The following GOPC variants were observed in gnomAD, a reference collection of about 807,000 sequenced individuals.
GOPC encodes Golgi-associated PDZ and coiled-coil motif-containing protein.
In GOPC, 32 loss-of-function variants were observed where a neutral mutation model predicts 51.2. That is an observed-to-expected ratio of 0.63 (90% confidence interval 0.47 to 0.84). The LOEUF (loss-of-function observed/expected upper bound fraction) is 0.84, where lower values mean the gene tolerates loss of function less well. Among genes scored for constraint, GOPC ranks in the 40% least tolerant of loss-of-function variants. The probability of loss-of-function intolerance (pLI) is 0.00; values close to 1 mark genes in which losing one functional copy is unlikely to be tolerated. For missense variants in GOPC, 441 were observed against 555.5 expected (o/e 0.79, Z 2.07); for synonymous variants, 190 against 205.1 (o/e 0.93, Z 0.63).
At chr6:117,595,788 A>C (rs371807350) in intron 1 of GOPC, among the ~76,000 whole-genome samples, 3 of 152,164 alleles carry the variant, frequency 2.0e-5, no homozygotes, top group African/African-American at 7.2e-5. Flanking sequence ...ACATTTTTTT[A>C]ATCCACTTAT....
At chr6:117,595,062 G>A (rs1780175655) in intron 1 of GOPC, among the ~76,000 whole-genome samples, 1 of 152,136 alleles carries the variant, frequency 6.6e-6, no homozygotes, top group Admixed American at 6.5e-5. Context: ...GATGCCTGGG[G>A]AGTGCTCTGG....
Position 117,602,007 on chromosome 6 carries a change from C to T in GOPC, c.282G>A (p.Leu94=), listed in dbSNP as rs1772022751. ...GCCGCCAGCACCCACGGCTCACCTC[C>T]AGCTTGTGGTTGATTTGAGACACAG... The part of the protein sequence containing the change: ...AQSVSQINHK[L]EAQLVDLKSE... Residue 94 remains leucine, a synonymous_variant, in exon 1 of 9, where the codon CTG becomes CTA. Transcript: ENST00000368498. 6.2e-7 allele frequency: 1 copy of T among 1,614,002 alleles called. No individual in the cohort carries two copies. Among genetic ancestry groups the T allele is most frequent in the Middle Eastern group, 1.7e-4 (1 of 6,060 alleles).
chr6:117,563,135 C>T lies in GOPC; in HGVS notation c.*119G>A, dbSNP rs1054428009. On this transcript the variant is annotated 3_prime_UTR_variant, in exon 9 of 9. Coordinates refer to ENST00000368498, the MANE Select transcript of GOPC (RefSeq NM_020399.4). ...TGTTCACATGAAGCCCTGAGGTACC[C>T]GCCTTTCATTTAGGCAACAAACAGC... The T allele has an allele frequency of 9.2e-6, 8 of 865,546 alleles. No individual in the cohort carries two copies. Among genetic ancestry groups the T allele is most frequent in the African/African-American group, 8.4e-5 (5 of 59,306 alleles). The allele number at this position is 865,546 out of a possible 1,614,324, so 53.6% of individuals were successfully genotyped here.
Position 117,602,237 on chromosome 6 carries a change from C to T in GOPC, c.52G>A (p.Ala18Thr). 3 of 1,603,006 alleles carry T rather than the reference C, an allele frequency of 1.9e-6. No homozygotes were observed. Among genetic ancestry groups the T allele is most frequent in the Non-Finnish European group, 2.5e-6 (3 of 1,179,672 alleles). Residue 18 changes from alanine (A) to threonine (T), a missense_variant, in exon 1 of 9, where the codon GCC (alanine) becomes ACC (threonine). Ala to Thr is a moderately conservative substitution (Grantham distance 58). This residue lies in a region of GOPC where 204 missense variants were observed against 219.8 expected (regional missense o/e 0.93). Transcript: ENST00000368498. ...CCAGGGGCCCCCACGGAGCAGGAGG[C>T]GCCCCCTGGGCCCCCTCCGGCTGCT... ...PAAAGGGPGG[A>T]SCSVGAPGGV...
chr6:117,578,917 T>C lies in GOPC; in HGVS notation c.433A>G (p.Thr145Ala). 2 of 1,603,318 alleles carry C rather than the reference T, an allele frequency of 1.2e-6. No homozygotes were observed. The highest frequency in any genetic ancestry group is 2.3e-5 in the South Asian group (2 of 88,832). Reference sequence around the variant, plus strand: ...CTACTTACCAATTTTGCCTTAATGGTACCAGAGTCAGCACTTTGACCAGTT... The same window carrying C: ...CTACTTACCAATTTTGCCTTAATGGCACCAGAGTCAGCACTTTGACCAGTT... ...AKTGQSADSG[T>A]IKAKLSGPSV... The change falls in exon 2 of 9, where the codon ACC becomes GCC. Residue 145 changes from threonine to alanine, a missense_variant. Physicochemically the swap from Thr to Ala is moderately conservative, Grantham distance 58. This residue lies in a region of GOPC where 204 missense variants were observed against 219.8 expected (regional missense o/e 0.93). Coordinates refer to ENST00000368498, the MANE Select transcript of GOPC (RefSeq NM_020399.4).
At chr6:117,585,176 A>C (rs1239984447) in intron 1 of GOPC, among the ~76,000 whole-genome samples, 1 of 152,204 alleles carries the variant, frequency 6.6e-6, no homozygotes, top group Admixed American at 6.5e-5. Context: ...CCAAAATCAA[A>C]GTAATTTTTT....
intron 1 of GOPC, among the ~76,000 whole-genome samples, chr6:117,588,039 TTTTTTTGTA>T (rs1291614194): frequency 1.3e-5 from 2 of 152,014 alleles, no homozygotes; most frequent in Non-Finnish European, 2.9e-5. Flanking sequence ...CATTTTTAAA[TTTTTTTGTA>T]TTTTTTGTAT....
chr6:117,584,009 C>G (rs984680574), intron 1 of GOPC, among the ~76,000 whole-genome samples: 1 of 152,184 alleles, frequency 6.6e-6, no homozygotes, highest in Non-Finnish European at 1.5e-5. Context: ...AGTCTTTGTT[C>G]TGCTATTAAA....
At chr6:117,583,018 C>T (rs752219062) in intron 1 of GOPC, among the ~76,000 whole-genome samples, 1 of 152,020 alleles carries the variant, frequency 6.6e-6, no homozygotes, top group Non-Finnish European at 1.5e-5. Flanking sequence ...GCCTTGGGAT[C>T]GCAGGCACCC....
intron 1 of GOPC, among the ~76,000 whole-genome samples, chr6:117,601,072 G>C (rs1009491523): frequency 1.3e-5 from 2 of 152,148 alleles, no homozygotes; most frequent in Non-Finnish European, 2.9e-5. Context: ...AGCATGTTCA[G>C]AGTTTTGCAC....
At chr6:117,595,666 C>T (rs1401675186) in intron 1 of GOPC, among the ~76,000 whole-genome samples, 1 of 152,278 alleles carries the variant, frequency 6.6e-6, no homozygotes, top group East Asian at 1.9e-4. Context: ...TCCTGAGTTA[C>T]TTCATTTAGA....
intron 1 of GOPC, among the ~76,000 whole-genome samples, chr6:117,583,191 C>G (rs777833680): frequency 2.0e-5 from 3 of 152,210 alleles, no homozygotes; most frequent in Admixed American, 2.0e-4. Context: ...CCAAAGCAGC[C>G]AGCCAGTTCT....
intron 1 of GOPC, among the ~76,000 whole-genome samples, chr6:117,600,648 AT>A (rs1389461034): frequency 1.3e-5 from 2 of 152,204 alleles, no homozygotes; most frequent in African/African-American, 2.4e-5. Flanking sequence ...TTTGAAAAAA[AT>A]ATAATAAGAT....
intron 1 of GOPC, among the ~76,000 whole-genome samples, chr6:117,583,691 T>A (rs570668943): frequency 6.6e-6 from 1 of 152,328 alleles, no homozygotes; most frequent in Non-Finnish European, 1.5e-5. Flanking sequence ...CTCTGTATCT[T>A]TGCTCTAATG....
At chr6:117,592,935 T>C (rs946631688) in intron 1 of GOPC, among the ~76,000 whole-genome samples, 3 of 152,170 alleles carry the variant, frequency 2.0e-5, no homozygotes, top group African/African-American at 7.2e-5. Context: ...ATTACCACTT[T>C]CACTTCAATA....
At chr6:117,568,953 C>G (rs1008281432) in intron 7 of GOPC, among the ~76,000 whole-genome samples, 7 of 152,154 alleles carry the variant, frequency 4.6e-5, no homozygotes, top group Non-Finnish European at 1.0e-4. Context: ...CCTCTAATTC[C>G]CTCAACTCTA....
chr6:117,598,452 G>A (rs1305614333), intron 1 of GOPC, among the ~76,000 whole-genome samples: 2 of 152,124 alleles, frequency 1.3e-5, no homozygotes, highest in Non-Finnish European at 2.9e-5. Context: ...AGGGTGAGGC[G>A]GGTAGGAAGA....
intron 1 of GOPC, among the ~76,000 whole-genome samples, chr6:117,589,235 C>T (rs970037169): frequency 5.9e-5 from 9 of 152,214 alleles, no homozygotes; most frequent in Non-Finnish European, 2.9e-5. Flanking sequence ...ACCCAAATGT[C>T]AGATCATGCA....
chr6:117,587,237 C>A (rs893718761), intron 1 of GOPC, among the ~76,000 whole-genome samples: 6 of 152,052 alleles, frequency 3.9e-5, no homozygotes, highest in Non-Finnish European at 8.8e-5. Context: ...AGTTCTCCCC[C>A]AAAAAATAAC....
Sources: allele counts gnomAD v4.1 joint callset (sites outside exome capture counted in the v4.1 genomes callset), GRCh38; gene constraint gnomAD v4.1.1; regional missense constraint gnomAD v4.1.1; transcripts MANE v1.5; gene names NCBI Gene and HGNC (gene_info 2026-07-23, HGNC 2026-07-21).